CMSS1: variants seen among roughly 807,000 people sequenced by gnomAD.
CMSS1 encodes the protein cms1 ribosomal small subunit homolog.
In CMSS1, 33 loss-of-function variants were observed where a neutral mutation model predicts 43.5. The observed-to-expected ratio is 0.76, with a 90% CI of 0.57 to 1.01. The LOEUF (loss-of-function observed/expected upper bound fraction) is 1.01. CMSS1 is among the 50% of genes least tolerant of loss of function. The probability of loss-of-function intolerance (pLI) is 0.00; values close to 1 mark genes in which losing one functional copy is unlikely to be tolerated. For missense variants in CMSS1, 313 were observed against 326.4 expected (o/e 0.96, Z 0.32); for synonymous variants, 115 against 117.2 (o/e 0.98, Z 0.12).
At chr3:99,917,447 G>T (rs990224858) in intron 1 of CMSS1, among the ~76,000 whole-genome samples, 3 of 152,216 alleles carry the variant, frequency 2.0e-5, no homozygotes, top group South Asian at 4.2e-4. Flanking sequence ...CAAATATATT[G>T]TCAGGAGAGC....
At chr3:99,826,697 C>T (rs568595597) in intron 1 of CMSS1, among the ~76,000 whole-genome samples, 4 of 152,060 alleles carry the variant, frequency 2.6e-5, no homozygotes, top group Non-Finnish European at 4.4e-5. Context: ...TTAGTTACTC[C>T]GTTACTTAGT....
At chr3:100,093,907 A>C (rs1425488192) in intron 1 of CMSS1, among the ~76,000 whole-genome samples, 1 of 152,228 alleles carries the variant, frequency 6.6e-6, no homozygotes, top group Non-Finnish European at 1.5e-5. Flanking sequence ...TATTACAAAT[A>C]AAACCACCAT....
intron 1 of CMSS1, among the ~76,000 whole-genome samples, chr3:100,135,913 T>C (rs915971219): frequency 3.9e-5 from 6 of 152,308 alleles, no homozygotes; most frequent in Admixed American, 3.9e-4. Context: ...CCAAAAGTTC[T>C]AGCTTTAAAG....
chr3:100,168,766 G>C (rs148953283), intron 6 of CMSS1, among the ~76,000 whole-genome samples: 60 of 150,686 alleles, frequency 4.0e-4, no homozygotes, highest in African/African-American at 1.4e-3. Context: ...GGATAAACTA[G>C]TTCTGAATTC....
At chr3:100,076,228 T>C (rs1576026275) in intron 1 of CMSS1, among the ~76,000 whole-genome samples, 1 of 152,236 alleles carries the variant, frequency 6.6e-6, no homozygotes, top group African/African-American at 2.4e-5. Flanking sequence ...TGGAGGCTTG[T>C]CTGTTTCATT....
chr3:99,895,679 G>A (rs1269108656), intron 1 of CMSS1, among the ~76,000 whole-genome samples: 1 of 152,114 alleles, frequency 6.6e-6, no homozygotes, highest in Non-Finnish European at 1.5e-5. Flanking sequence ...CACTGTACAT[G>A]TAATACCACA....
intron 1 of CMSS1, among the ~76,000 whole-genome samples, chr3:99,903,003 T>C (rs1706487222): frequency 6.6e-6 from 1 of 152,164 alleles, no homozygotes; most frequent in East Asian, 1.9e-4. Context: ...GTTTCATGAT[T>C]AAGGATATAA....
intron 1 of CMSS1, among the ~76,000 whole-genome samples, chr3:99,832,733 T>TTG (rs1553686293): frequency 1.4e-5 from 2 of 146,478 alleles, no homozygotes; most frequent in Non-Finnish European, 3.0e-5. Flanking sequence ...CCCAGCTACT[T>TTG]GGAGGCTAAG....
chr3:100,061,139 T>A (rs569329130), intron 1 of CMSS1, among the ~76,000 whole-genome samples: 446 of 148,118 alleles, frequency 3.0e-3, no homozygotes, highest in African/African-American at 8.7e-3. Flanking sequence ...TGTTAAAATT[T>A]AAAAAAAAAA....
At chr3:100,176,250 C>T (rs780090021) in intron 8 of CMSS1, 77 bp from the exon 9 acceptor site, 26 of 1,021,090 alleles carry the variant, frequency 2.5e-5, no homozygotes, top group Middle Eastern at 2.1e-4. Context: ...AAAAGTAACC[C>T]GGAGAATAAA....
intron 1 of CMSS1, among the ~76,000 whole-genome samples, chr3:100,085,722 TTGTC>T (rs1289249077): frequency 6.6e-6 from 1 of 152,220 alleles, no homozygotes; most frequent in Admixed American, 6.5e-5. Flanking sequence ...TCTGTCATTT[TTGTC>T]TGTCATCTGG....
chr3:100,110,406 C>G (rs979726207), intron 1 of CMSS1, among the ~76,000 whole-genome samples: 12 of 152,036 alleles, frequency 7.9e-5, no homozygotes, highest in African/African-American at 2.9e-4. Context: ...AGCTTTATCC[C>G]GTTTGCTATC....
rs139363349 is a variant in CMSS1, at chr3:99,986,506, C to T, written c.65-160467C>T. On this transcript the variant is annotated intron_variant, in intron 1 of 9. Coordinates refer to ENST00000421999, the MANE Select transcript of CMSS1 (RefSeq NM_032359.4). ...GAAAGTTGATAGTGAAAGAAATAGA[C>T]GAGAACAGGAGTTACAGGGCTTATA... Among the ~76,000 whole-genome samples, 376 of 152,022 alleles carry T rather than the reference C, an allele frequency of 2.5e-3. 1 individual carries two copies. Among genetic ancestry groups the T allele is most frequent in the African/African-American group, 8.5e-3 (351 of 41,456 alleles).
chr3:99,862,443 G>A (rs1452037896), intron 1 of CMSS1, among the ~76,000 whole-genome samples: 1 of 152,152 alleles, frequency 6.6e-6, no homozygotes, highest in African/African-American at 2.4e-5. Context: ...CTATGCACAT[G>A]GTTAGTCATA....
chr3:100,014,186 T>C (rs746234118), intron 1 of CMSS1, among the ~76,000 whole-genome samples: 1 of 150,992 alleles, frequency 6.6e-6, no homozygotes, highest in Non-Finnish European at 1.5e-5. Flanking sequence ...TAGTATTACA[T>C]TGTATATGTA....
chr3:99,931,081 T>A, intron 1 of CMSS1: 1 of 1,460,752 alleles, frequency 6.8e-7, no homozygotes, highest in Non-Finnish European at 9.4e-7. Flanking sequence ...GGAGTTTTAA[T>A]AAGAGTACCT....
chr3:100,087,812 A>G (rs1223496352), intron 1 of CMSS1, among the ~76,000 whole-genome samples: 2 of 136,062 alleles, frequency 1.5e-5, no homozygotes, highest in Non-Finnish European at 3.2e-5. Context: ...ACTCACAAAG[A>G]TTTTCTCCTA....
At chr3:99,913,917 G>A (rs1053344476) in intron 1 of CMSS1, among the ~76,000 whole-genome samples, 1 of 152,202 alleles carries the variant, frequency 6.6e-6, no homozygotes, top group Admixed American at 6.5e-5. Flanking sequence ...ATTTCAGAGT[G>A]TTACTGAGAA....
intron 1 of CMSS1, among the ~76,000 whole-genome samples, chr3:100,078,571 C>T (rs975721557): frequency 5.9e-5 from 9 of 151,928 alleles, no homozygotes; most frequent in Non-Finnish European, 1.0e-4. Context: ...TACACCAACA[C>T]TAGCGATAGC....
Sources: allele counts gnomAD v4.1 joint callset (sites outside exome capture counted in the v4.1 genomes callset), GRCh38; gene constraint gnomAD v4.1.1; transcripts MANE v1.5; gene names NCBI Gene and HGNC (gene_info 2026-07-23, HGNC 2026-07-21).